Variants in CCDC144A observed in about 807,000 individuals in gnomAD.
The protein encoded by CCDC144A is coiled-coil domain containing 144A, also known as coiled-coil domain-containing protein 144A.
A neutral mutation model predicts 143.8 loss-of-function variants in CCDC144A; 41 were observed. That is an observed-to-expected ratio of 0.29 (90% CI 0.22 to 0.37). CCDC144A has a LOEUF of 0.37. Ranked by LOEUF, CCDC144A falls within the 10% of genes least tolerant of loss-of-function variation. The pLI is 1.00. For missense variants in CCDC144A, 637 were observed against 1,488.8 expected, an observed-to-expected ratio of 0.43 and a Z score of 9.41; for synonymous variants, 242 against 517.9, an observed-to-expected ratio of 0.47 and a Z score of 7.23.
intron 6 of CCDC144A, among the ~76,000 whole-genome samples, chr17:16,716,247 A>C (rs992522920): frequency 6.6e-6 from 1 of 152,252 alleles, no homozygotes; most frequent in Non-Finnish European, 1.5e-5. Context: ...CAAACAAAAA[A>C]CAATTATTAA....
At chr17:16,678,426 A>G in the CCDC144A span, among the ~76,000 whole-genome samples, 1 of 152,074 alleles carries the variant, frequency 6.6e-6, no homozygotes, top group Non-Finnish European at 1.5e-5. Context: ...TTGGTTCCCT[A>G]TAGAAACTAA....
Position 16,707,499 on chromosome 17 carries a change from A to C in CCDC144A, c.695A>C (p.Glu232Ala), listed in dbSNP as rs747792037. 18 of 1,607,060 alleles carry C rather than the reference A, an allele frequency of 1.1e-5. No homozygotes were observed. The South Asian group carries it at 2.0e-4, about 18-fold the overall frequency. Reference sequence around the variant, plus strand: ...CAAGACTCGGAGCTGACATCAGAGGAAGAGCAAGAAAGACTTAAAGGATGC... The same window carrying C: ...CAAGACTCGGAGCTGACATCAGAGGCAGAGCAAGAAAGACTTAAAGGATGC... ...AEQDSELTSE[E>A]EQERLKGCEN... Residue 232 changes from glutamate to alanine, a missense_variant, in exon 4 of 17, where the codon GAA becomes GCA. Physicochemically the swap from Glu to Ala is moderately radical, Grantham distance 107. Coordinates refer to ENST00000399273, the MANE Select transcript of CCDC144A (RefSeq NM_001382000.1).
the CCDC144A span, among the ~76,000 whole-genome samples, chr17:16,670,231 A>T: frequency 6.6e-6 from 1 of 151,920 alleles, no homozygotes; most frequent in Non-Finnish European, 1.5e-5. Context: ...TCAGTAACTT[A>T]GCAGTTTTCC....
intron 2 of CCDC144A, among the ~76,000 whole-genome samples, chr17:16,697,180 G>A (rs1030900289): frequency 1.3e-5 from 2 of 152,064 alleles, no homozygotes; most frequent in African/African-American, 2.4e-5. Context: ...TTTACTGTAG[G>A]GACTCATTGG....
chr17:16,675,192 C>G, the CCDC144A span, among the ~76,000 whole-genome samples: 1 of 151,092 alleles, frequency 6.6e-6, no homozygotes, highest in Non-Finnish European at 1.5e-5. Context: ...GCGCCTGAAC[C>G]TGGCAGGTGG....
At chr17:16,670,957 A>G in the CCDC144A span, among the ~76,000 whole-genome samples, 3 of 152,108 alleles carry the variant, frequency 2.0e-5, no homozygotes, top group African/African-American at 7.2e-5. Flanking sequence ...ATTTTAAAAG[A>G]AGTATTTTAA....
rs1913004104 is a variant in CCDC144A, at chr17:16,720,133, G to A, written c.1716-65G>A. 6 of 1,456,452 alleles carry A rather than the reference G, an allele frequency of 4.1e-6. No homozygotes were observed. The Admixed American group carries it at 1.4e-4, about 33-fold the overall frequency. The allele number at this position is 1,456,452 out of a possible 1,614,324, so 90.2% of individuals were successfully genotyped here. On this transcript the variant is annotated intron_variant, in intron 6 of 16. Coordinates refer to ENST00000399273, the MANE Select transcript of CCDC144A (RefSeq NM_001382000.1). Reference sequence around the variant, plus strand: ...ACATTTTATATGATAAAACAGTAGTGTTAGATATTCTTTGTATTTTACATC... The same window carrying A: ...ACATTTTATATGATAAAACAGTAGTATTAGATATTCTTTGTATTTTACATC...
intron 12 of CCDC144A, among the ~76,000 whole-genome samples, chr17:16,758,495 C>T (rs1375727761): frequency 1.2e-4 from 19 of 152,198 alleles, no homozygotes; most frequent in Non-Finnish European, 2.6e-4. Context: ...CTCACCCACC[C>T]AGCATTCTCC....
chr17:16,757,520 G>A (rs1915151080), intron 12 of CCDC144A, among the ~76,000 whole-genome samples: 1 of 152,226 alleles, frequency 6.6e-6, no homozygotes, highest in South Asian at 2.1e-4. Flanking sequence ...GCTCCTCAGG[G>A]TCCTGGACAG....
In CCDC144A at chr17:16,776,552, G is replaced by A. The variant is rs1916008370; in HGVS notation, c.*2919G>A. The A allele has an allele frequency of 6.6e-6, 1 of 152,184 alleles. No homozygotes were observed. Among genetic ancestry groups the A allele is most frequent in the Non-Finnish European group, 1.5e-5 (1 of 68,044 alleles). 9.4% of individuals were successfully genotyped at this position (152,184 alleles called of 1,614,324 possible). On this transcript the variant is annotated 3_prime_UTR_variant, in exon 17 of 17. Transcript: ENST00000399273. The stretch of plus-strand genomic sequence containing the variant: ...CTAGTGACTTTTGCACATTGATTTT[G>A]TATCCTGAGACTTTGTTGAAGTTGC...
At chr17:16,756,267 A>G (rs1597587570) in intron 12 of CCDC144A, among the ~76,000 whole-genome samples, 1 of 152,264 alleles carries the variant, frequency 6.6e-6, no homozygotes, top group African/African-American at 2.4e-5. Context: ...ATGATGGCCC[A>G]TATACCACAT....
At chr17:16,715,321 AAAAAG>A (rs1425855632) in intron 6 of CCDC144A, among the ~76,000 whole-genome samples, 47 of 149,630 alleles carry the variant, frequency 3.1e-4, no homozygotes, top group Admixed American at 1.2e-3. Flanking sequence ...AAAAAAAAAA[AAAAAG>A]AAAGAAAGAA....
At chr17:16,703,686 C>T (rs1193538722) in intron 2 of CCDC144A, among the ~76,000 whole-genome samples, 1 of 151,874 alleles carries the variant, frequency 6.6e-6, no homozygotes. Flanking sequence ...CACCGGTAGT[C>T]CCAGCTACTC....
intron 12 of CCDC144A, chr17:16,745,593 C>T: frequency 1.9e-6 from 3 of 1,544,086 alleles, no homozygotes; most frequent in Non-Finnish European, 2.6e-6. Flanking sequence ...TTCTGGGATG[C>T]CCTCGCTCGT....
chr17:16,684,859 C>T (rs1375941126), upstream of CCDC144A, among the ~76,000 whole-genome samples: 6 of 151,910 alleles, frequency 3.9e-5, no homozygotes, highest in African/African-American at 4.8e-5. Context: ...TTACTCAGGA[C>T]GCTGAGGTGG....
chr17:16,745,490 G>A (rs931802651), intron 12 of CCDC144A: 6 of 940,372 alleles, frequency 6.4e-6, no homozygotes, highest in African/African-American at 4.9e-5. Context: ...TGGTTTCTGC[G>A]TGTTTCTATG....
intron 5 of CCDC144A, among the ~76,000 whole-genome samples, chr17:16,711,150 A>AAAAAAAAAAAAAAAAAAAAAAG (rs1567589760): frequency 7.1e-6 from 1 of 140,954 alleles, no homozygotes; most frequent in Admixed American, 7.3e-5. Flanking sequence ...AAAAAAAAAA[A>AAAAAAAAAAAAAAAAAAAAAAG]AAAAAAAACA....
At position 16,709,053 on chromosome 17, in the gene CCDC144A, T is replaced by C; in HGVS notation, c.996T>C (p.Asp332=). The change falls in exon 5 of 17, where the codon GAT becomes GAC. Residue 332 remains aspartate (D), a synonymous_variant. Transcript: ENST00000399273. ...CTACAAGAGGAACAGATGTAAAGGA[T>C]ATTCCCTTTAATTTGACAAATAACA... ...DNSTRGTDVK[D]IPFNLTNNIP... is the part of the protein sequence containing the mutation. 6.2e-7 allele frequency: 1 copy of C among 1,611,674 alleles called. No homozygotes were observed. Among genetic ancestry groups the C allele is most frequent in the Non-Finnish European group, 8.5e-7 (1 of 1,179,632 alleles).
the CCDC144A span, among the ~76,000 whole-genome samples, chr17:16,682,905 TTTTTTTTTTTTTTTG>T: frequency 1.6e-5 from 2 of 124,316 alleles, no homozygotes; most frequent in African/African-American, 3.1e-5. Flanking sequence ...TTTTTTTTTT[TTTTTTTTTTTTTTTG>T]AGACAGAGTC....
Sources: allele counts gnomAD v4.1 joint callset (sites outside exome capture counted in the v4.1 genomes callset), GRCh38; gene constraint gnomAD v4.1.1; transcripts MANE v1.5; gene names NCBI Gene and HGNC (gene_info 2026-07-23, HGNC 2026-07-21).